Variants in HHLA2 observed in about 807,000 individuals in gnomAD.
HHLA2 encodes HHLA2 member of B7 family, also known as HERV-H LTR-associating protein 2.
HHLA2 carries 48 observed loss-of-function variants against 45.9 expected under a neutral mutation model. The ratio of observed to expected loss-of-function variants is 1.05; its 90% confidence interval spans 0.83 to 1.33. HHLA2 has a LOEUF of 1.33. Ranked by LOEUF, HHLA2 falls within the 40% of genes most tolerant of loss-of-function variation. HHLA2 has a pLI of 0.00. For missense variants in HHLA2, 462 were observed against 494.3 expected (o/e 0.93, Z 0.62); for synonymous variants, 161 against 173.9 (o/e 0.93, Z 0.59).
At chr3:108,308,849 T>C (rs2080972555) in intron 1 of HHLA2, among the ~76,000 whole-genome samples, 1 of 152,192 alleles carries the variant, frequency 6.6e-6, no homozygotes, top group South Asian at 2.1e-4. Flanking sequence ...TTTTTTTAAA[T>C]TGGATTATTA....
At chr3:108,363,080 G>T (rs2082007132) in intron 8 of HHLA2, among the ~76,000 whole-genome samples, 1 of 151,894 alleles carries the variant, frequency 6.6e-6, no homozygotes, top group Non-Finnish European at 1.5e-5. Context: ...TAAATTTTAG[G>T]CAAAAAATCT....
At chr3:108,356,131 G>A (rs2081887622) in intron 6 of HHLA2, among the ~76,000 whole-genome samples, 1 of 146,184 alleles carries the variant, frequency 6.8e-6, no homozygotes, top group Non-Finnish European at 1.5e-5. Context: ...CCAGTTTCAA[G>A]TGATTCTCCT....
At chr3:108,319,471 T>G (rs909623665) in intron 2 of HHLA2, among the ~76,000 whole-genome samples, 10 of 152,200 alleles carry the variant, frequency 6.6e-5, no homozygotes. Context: ...CCAATAAATC[T>G]TCTGCAATAA....
intron 1 of HHLA2, among the ~76,000 whole-genome samples, chr3:108,301,941 A>G (rs2080856988): frequency 1.3e-5 from 2 of 152,284 alleles, no homozygotes; most frequent in African/African-American, 2.4e-5. Context: ...CTGCCTGTAC[A>G]ATATAAAAGG....
chr3:108,298,052 G>T (rs1348384375), intron 1 of HHLA2, among the ~76,000 whole-genome samples: 1 of 152,122 alleles, frequency 6.6e-6, no homozygotes, highest in African/African-American at 2.4e-5. Flanking sequence ...CTGACTGCAG[G>T]CATGCAAACT....
At chr3:108,334,259 C>T (rs950177167) in intron 3 of HHLA2, among the ~76,000 whole-genome samples, 1 of 152,150 alleles carries the variant, frequency 6.6e-6, no homozygotes, top group African/African-American at 2.4e-5. Context: ...TCTTTGGGAA[C>T]CAAATTGATG....
At position 108,355,178 on chromosome 3, in the gene HHLA2, T is replaced by C. The variant is rs757473905; in HGVS notation, c.482T>C (p.Val161Ala). The change falls in exon 6 of 11, where the codon GTG (valine) becomes GCG (alanine). Residue 161 changes from valine to alanine, a missense_variant. This residue lies in a region of HHLA2 where 335 missense variants were observed against 367.4 expected (regional missense o/e 0.91). Transcript: ENST00000619531. ...ACAAACAGCTTCTTAATATGCAGCG[T>C]GTTAAGTGTTTATCCTCGTCCAATT... 19 of 1,613,612 alleles carry C rather than the reference T, an allele frequency of 1.2e-5. No individual in the cohort carries two copies.
chr3:108,366,603 G>A (rs1456295681), intron 8 of HHLA2, among the ~76,000 whole-genome samples: 1 of 152,226 alleles, frequency 6.6e-6, no homozygotes, highest in East Asian at 1.9e-4. Flanking sequence ...AATCTGTCTG[G>A]TCCTGGGCTT....
Position 108,353,415 on chromosome 3 carries a change from T to G in HHLA2, c.65-12T>G. 1 of 1,511,554 alleles carries G rather than the reference T, an allele frequency of 6.6e-7. No homozygotes were observed. Among genetic ancestry groups the G allele is most frequent in the Non-Finnish European group, 9.0e-7 (1 of 1,113,528 alleles). 93.6% of individuals were successfully genotyped at this position (1,511,554 alleles called of 1,614,324 possible). On this transcript the variant is annotated splice_polypyrimidine_tract_variant and intron_variant, in intron 4 of 10. Transcript: ENST00000619531. Reference sequence around the variant, plus strand: ...TTAATTCTCTTTATAACTTCTCTGCTCTTGACTGTAGGCATATTCCCTTTG... The same window carrying G: ...TTAATTCTCTTTATAACTTCTCTGCGCTTGACTGTAGGCATATTCCCTTTG...
rs369874608 is a variant in HHLA2, at chr3:108,362,451, T to C, written c.1108+5T>C. ...GGAGCGTAAAATGTTGCAGAGGTAA[T>C]AGAAGAATTTGGGCTCTGCCCCACG... On this transcript the variant is annotated splice_donor_5th_base_variant and intron_variant, in intron 8 of 10. Transcript: ENST00000619531. 39 of 1,591,018 alleles carry C rather than the reference T, an allele frequency of 2.5e-5. No homozygotes were observed. The highest frequency in any genetic ancestry group is 3.3e-4 in the Middle Eastern group (2 of 6,038).
At chr3:108,325,879 GC>G (rs2081280144) in intron 2 of HHLA2, 1 of 398,550 alleles carries the variant, frequency 2.5e-6, no homozygotes, top group Non-Finnish European at 4.8e-6. Flanking sequence ...GACCTCTTTG[GC>G]TGGATGAAGC....
Position 108,375,017 on chromosome 3 carries a change from A to G in HHLA2, c.1109-733A>G, listed in dbSNP as rs532375248. ...AGGACTATAAATCATGCTGCTATAA[A>G]GACACATGCACACGTATGTTTATTG... On this transcript the variant is annotated intron_variant, in intron 8 of 10. Coordinates refer to ENST00000619531, the Ensembl canonical transcript of HHLA2. Among the ~76,000 whole-genome samples, 9 of 149,258 alleles carry G rather than the reference A, an allele frequency of 6.0e-5. No homozygotes were observed. The South Asian group carries it at 2.0e-3, about 32-fold the overall frequency.
intron 8 of HHLA2, among the ~76,000 whole-genome samples, chr3:108,371,826 C>G (rs1163860888): frequency 6.6e-6 from 1 of 152,180 alleles, no homozygotes; most frequent in Non-Finnish European, 1.5e-5. Flanking sequence ...ATTCATAAAG[C>G]AAGTCCTTAG....
chr3:108,359,021 T>C (rs190025948), intron 7 of HHLA2, among the ~76,000 whole-genome samples: 3 of 152,286 alleles, frequency 2.0e-5, no homozygotes, highest in East Asian at 1.9e-4. Context: ...ACTCCCTTTG[T>C]AGAGCTGCCA....
At chr3:108,300,620 T>A (rs2107277394) in intron 1 of HHLA2, among the ~76,000 whole-genome samples, 1 of 152,224 alleles carries the variant, frequency 6.6e-6, no homozygotes, top group Non-Finnish European at 1.5e-5. Context: ...GCCTGAAACA[T>A]CTACAGCCAC....
intron 1 of HHLA2, among the ~76,000 whole-genome samples, chr3:108,305,898 C>A (rs2080921044): frequency 6.6e-6 from 1 of 152,194 alleles, no homozygotes; most frequent in African/African-American, 2.4e-5. Flanking sequence ...AATGTGGGCT[C>A]ACATCTGCTG....
intron 2 of HHLA2, among the ~76,000 whole-genome samples, chr3:108,318,837 A>C (rs1472809556): frequency 2.0e-5 from 3 of 152,224 alleles, no homozygotes; most frequent in Non-Finnish European, 4.4e-5. Flanking sequence ...ATGGAAGTGC[A>C]TTCTCCAAGA....
intron 8 of HHLA2, among the ~76,000 whole-genome samples, chr3:108,371,626 G>C (rs1277116686): frequency 6.6e-6 from 1 of 152,124 alleles, no homozygotes; most frequent in Non-Finnish European, 1.5e-5. Context: ...AAGGGATGGA[G>C]GAAGATCTAC....
At chr3:108,358,012 A>C in exon 7 of HHLA2, 1 of 1,613,800 alleles carries the variant, frequency 6.2e-7, no homozygotes, top group Non-Finnish European at 8.5e-7. Context: ...ATTATCAATG[A>C]ATCCCGATTC....
Sources: gnomAD v4.1 joint callset for allele counts (sites outside exome capture counted in the v4.1 genomes callset) on GRCh38, gnomAD v4.1.1 for gene constraint, gnomAD v4.1.1 regional missense constraint, MANE v1.5 for transcripts, NCBI Gene and HGNC (gene_info 2026-07-23, HGNC 2026-07-21) for gene names.